WDR27: variants seen among roughly 807,000 people sequenced by gnomAD.
WDR27 encodes the protein WD repeat-containing protein 27.
In WDR27, 100 loss-of-function variants were observed where a neutral mutation model predicts 114.4. That is an observed-to-expected ratio of 0.87 (90% confidence interval 0.74 to 1.03). The LOEUF (loss-of-function observed/expected upper bound fraction) is 1.03, where lower values mean the gene tolerates loss of function less well. Among genes scored for constraint, WDR27 ranks in the 50% least tolerant of loss-of-function variants. WDR27 has a pLI of 0.00. For synonymous variants in WDR27, 449 were observed against 423.1 expected, an observed-to-expected ratio of 1.06 and a Z score of -0.75; for missense variants, 1,129 against 1,092.9, an observed-to-expected ratio of 1.03 and a Z score of -0.47.
chr6:169,682,482 C>G (rs1479502435), intron 2 of WDR27, among the ~76,000 whole-genome samples: 1 of 152,186 alleles, frequency 6.6e-6, no homozygotes, highest in African/African-American at 2.4e-5. Context: ...TCTTGCAAGA[C>G]TCGCAGCAAT....
At chr6:169,556,664 T>C (rs186150755) in intron 25 of WDR27, among the ~76,000 whole-genome samples, 2 of 152,270 alleles carry the variant, frequency 1.3e-5, no homozygotes, top group East Asian at 3.9e-4. Context: ...AAGGATGCCA[T>C]GATGACACCA....
chr6:169,583,069 A>C (rs1803783442), intron 23 of WDR27, 135 bp from the exon 24 acceptor site: 2 of 691,566 alleles, frequency 2.9e-6, no homozygotes, highest in Admixed American at 2.5e-5. Context: ...GATGCCTGAC[A>C]AAACATCATC....
chr6:169,568,169 ACAC>A, intron 25 of WDR27, among the ~76,000 whole-genome samples: 1 of 33,332 alleles, frequency 3.0e-5, no homozygotes, highest in South Asian at 7.9e-4. Context: ...CTCAGGAACC[ACAC>A]TCAGGAACCA....
At position 169,494,040 on chromosome 6, in the gene WDR27, T is replaced by A. The variant is rs117760693; in HGVS notation, c.2646-36406A>T. 1.3e-3 allele frequency among the ~76,000 whole-genome samples: 205 copies of A among 152,368 alleles called. 4 individuals carry two copies. In the East Asian group the frequency reaches 0.032, roughly 24 times the overall value. ...TACAGTTAGATACAATATAGATTTA[T>A]TTAATTGTTGTGTTTGTATATATGG... is the stretch of plus-strand genomic sequence containing the variant. On this transcript the variant is annotated intron_variant, in intron 25 of 25. Transcript: ENST00000448612.
At chr6:169,504,670 G>A (rs999484352) in intron 25 of WDR27, among the ~76,000 whole-genome samples, 6 of 151,902 alleles carry the variant, frequency 3.9e-5, no homozygotes, top group African/African-American at 9.7e-5. Context: ...GTGCAGTGGC[G>A]TGAGCTTGGC....
intron 25 of WDR27, among the ~76,000 whole-genome samples, chr6:169,530,507 A>C (rs909351020): frequency 6.6e-6 from 1 of 152,186 alleles, no homozygotes; most frequent in African/African-American, 2.4e-5. Flanking sequence ...TCTGCTCCTC[A>C]GTATGCATGA....
chr6:169,564,930 T>C (rs1049100922), intron 25 of WDR27, among the ~76,000 whole-genome samples: 1 of 152,180 alleles, frequency 6.6e-6, no homozygotes, highest in Non-Finnish European at 1.5e-5. Context: ...CAACCACAGG[T>C]GCAGAACGGG....
chr6:169,472,145 G>A (rs537589903), intron 25 of WDR27, among the ~76,000 whole-genome samples: 1 of 152,246 alleles, frequency 6.6e-6, no homozygotes, highest in East Asian at 1.9e-4. Context: ...GATTGACATT[G>A]ATAGATGTTT....
At chr6:169,428,595 G>A in the WDR27 span, among the ~76,000 whole-genome samples, 1 of 148,348 alleles carries the variant, frequency 6.7e-6, no homozygotes, top group African/African-American at 2.5e-5. Flanking sequence ...GGGGTGGGAC[G>A]GTGGCGGGGG....
chr6:169,659,435 G>A lies in WDR27; in HGVS notation c.1197+16C>T, dbSNP rs756518347. The A allele has an allele frequency of 2.7e-5, 44 of 1,604,190 alleles. No homozygotes were observed. Among genetic ancestry groups the A allele is most frequent in the Middle Eastern group, 1.6e-4 (1 of 6,072 alleles). On this transcript the variant is annotated intron_variant, in intron 11 of 25. Coordinates refer to ENST00000448612, the MANE Select transcript of WDR27 (RefSeq NM_182552.5). This position sits in a 1 kb window ranked among gnomAD's most constrained non-coding sequence, Gnocchi z 4.3. ...GCACGTCTCATAGACAGGGAGGGCC[G>A]CGTCTCAGGACTGACCTTTTGATCC...
intron 8 of WDR27, among the ~76,000 whole-genome samples, chr6:169,663,222 T>A (rs539929504): frequency 8.5e-5 from 13 of 152,102 alleles, no homozygotes; most frequent in African/African-American, 3.1e-4. Context: ...AAACTAAGTT[T>A]AAGATTTCCT....
At chr6:169,695,833 G>A (rs370176935) in intron 1 of WDR27, among the ~76,000 whole-genome samples, 1 of 152,196 alleles carries the variant, frequency 6.6e-6, no homozygotes, top group Admixed American at 6.5e-5. Flanking sequence ...AACTAAGCTA[G>A]AGAGAGAAGA....
intron 16 of WDR27, among the ~76,000 whole-genome samples, chr6:169,644,351 G>T (rs199923548): frequency 6.7e-6 from 1 of 148,566 alleles, no homozygotes; most frequent in Non-Finnish European, 1.5e-5. Flanking sequence ...CTGTAGAAAA[G>T]CCTAGTTCAT....
the WDR27 span, among the ~76,000 whole-genome samples, chr6:169,450,123 C>G: frequency 6.6e-6 from 1 of 152,178 alleles, no homozygotes; most frequent in Non-Finnish European, 1.5e-5. Flanking sequence ...GAGTCTAGGA[C>G]TTTAAGGAAA....
At chr6:169,598,575 G>C (rs576157052) in intron 23 of WDR27, among the ~76,000 whole-genome samples, 1 of 152,298 alleles carries the variant, frequency 6.6e-6, no homozygotes, top group Admixed American at 6.5e-5. Context: ...ATGAGTTCTG[G>C]AGGAGACATT....
chr6:169,568,964 A>G (rs1036152732), intron 25 of WDR27, among the ~76,000 whole-genome samples: 2 of 152,158 alleles, frequency 1.3e-5, no homozygotes, highest in African/African-American at 4.8e-5. Flanking sequence ...AGGAAGCCGC[A>G]TGCCCCTGGT....
At chr6:169,660,934 G>A (rs371378251) in intron 9 of WDR27, among the ~76,000 whole-genome samples, 168 bp from the exon 10 acceptor site, 2 of 141,428 alleles carry the variant, frequency 1.4e-5, no homozygotes, top group East Asian at 4.8e-4. Context: ...GCAGGAGTGG[G>A]GAGCGTGGGC....
the WDR27 span, among the ~76,000 whole-genome samples, chr6:169,437,265 T>C: frequency 3.1e-4 from 45 of 146,512 alleles, 1 homozygote; most frequent in Admixed American, 2.8e-3. Flanking sequence ...ATTGTTTGTT[T>C]TTCTAATAAT....
intron 25 of WDR27, among the ~76,000 whole-genome samples, chr6:169,548,109 G>C (rs1797681416): frequency 6.6e-6 from 1 of 152,006 alleles, no homozygotes; most frequent in South Asian, 2.1e-4. Flanking sequence ...AAATGAAACA[G>C]GTATAAATCT....
Sources: allele counts gnomAD v4.1 joint callset (sites outside exome capture counted in the v4.1 genomes callset), GRCh38; gene constraint gnomAD v4.1.1; non-coding constraint Gnocchi (gnomAD v3.1); transcripts MANE v1.5; gene names NCBI Gene and HGNC (gene_info 2026-07-23, HGNC 2026-07-21).